The following DOK5 variants were observed in gnomAD, a reference collection of about 807,000 sequenced individuals.
DOK5 encodes the protein downstream of tyrosine kinase 5.
In DOK5, 27 loss-of-function variants were observed where a neutral mutation model predicts 43.3. The ratio of observed to expected loss-of-function variants is 0.62; its 90% CI spans 0.46 to 0.86. DOK5 has a LOEUF of 0.86. Ranked by LOEUF, DOK5 falls within the 40% of genes least tolerant of loss-of-function variation. The pLI is 0.00. For synonymous variants in DOK5, 146 were observed against 140.1 expected (o/e 1.04, Z -0.30); for missense variants, 373 against 392.9 (o/e 0.95, Z 0.43).
intron 6 of DOK5, among the ~76,000 whole-genome samples, chr20:54,636,768 C>A (rs1020262025): frequency 2.0e-5 from 3 of 152,194 alleles, no homozygotes; most frequent in African/African-American, 7.2e-5. Flanking sequence ...CCATGATCTC[C>A]ATGAATTGAT....
chr20:54,641,137 G>C (rs1979092954), intron 6 of DOK5, among the ~76,000 whole-genome samples: 1 of 152,080 alleles, frequency 6.6e-6, no homozygotes, highest in South Asian at 2.1e-4. Flanking sequence ...TTTTCTACTA[G>C]CTTAGTACTT....
At chr20:54,585,684 G>T (rs1012939632) in intron 2 of DOK5, among the ~76,000 whole-genome samples, 2 of 152,198 alleles carry the variant, frequency 1.3e-5, no homozygotes, top group Non-Finnish European at 2.9e-5. Context: ...ACAGGCTTTA[G>T]GGTTAGTTTG....
intron 1 of DOK5, among the ~76,000 whole-genome samples, chr20:54,545,442 G>A (rs933803558): frequency 6.6e-5 from 10 of 152,194 alleles, no homozygotes; most frequent in Non-Finnish European, 1.0e-4. Flanking sequence ...GGCACTCATG[G>A]AGAAGTGACT....
chr20:54,501,719 C>CT (rs1254026636), intron 1 of DOK5, among the ~76,000 whole-genome samples: 34 of 152,084 alleles, frequency 2.2e-4, no homozygotes, highest in Non-Finnish European at 3.7e-4. Context: ...TCTGTAAATT[C>CT]TTTAACTCAT....
At chr20:54,614,499 G>A (rs1449161885) in intron 6 of DOK5, among the ~76,000 whole-genome samples, 1 of 152,252 alleles carries the variant, frequency 6.6e-6, no homozygotes, top group Admixed American at 6.5e-5. Context: ...TGTCTTGTTC[G>A]TAGAGCCATC....
chr20:54,626,379 G>A (rs755221280), intron 6 of DOK5, among the ~76,000 whole-genome samples: 1 of 152,186 alleles, frequency 6.6e-6, no homozygotes, highest in Admixed American at 6.6e-5. Context: ...TTTGCTGAGA[G>A]TCTGCGTGCT....
intron 1 of DOK5, among the ~76,000 whole-genome samples, chr20:54,515,055 G>A (rs1447373000): frequency 2.6e-5 from 4 of 151,892 alleles, no homozygotes; most frequent in Non-Finnish European, 1.5e-5. Flanking sequence ...TTGTTGCCCA[G>A]GCTGGAGTGC....
intron 6 of DOK5, among the ~76,000 whole-genome samples, chr20:54,627,660 G>A (rs779274415): frequency 9.9e-5 from 15 of 152,112 alleles, no homozygotes; most frequent in East Asian, 1.9e-4. Flanking sequence ...AAAGAAAGAC[G>A]CAGTGGATCT....
At chr20:54,517,823 A>G (rs1314906295) in intron 1 of DOK5, among the ~76,000 whole-genome samples, 1 of 152,246 alleles carries the variant, frequency 6.6e-6, no homozygotes, top group South Asian at 2.1e-4. Context: ...TTATCTTTTC[A>G]TCATGTGAGA....
At chr20:54,613,193 T>TCC (rs1986705664) in intron 6 of DOK5, among the ~76,000 whole-genome samples, 1 of 43,902 alleles carries the variant, frequency 2.3e-5, no homozygotes, top group Admixed American at 2.5e-4. Flanking sequence ...CTGCGCCTCA[T>TCC]CTCTCTCTCT....
chr20:54,600,102 G>A (rs1986260423), intron 5 of DOK5, among the ~76,000 whole-genome samples: 1 of 152,130 alleles, frequency 6.6e-6, no homozygotes, highest in African/African-American at 2.4e-5. Context: ...TGGGGGAAGA[G>A]CATTCCTTCC....
At chr20:54,512,150 A>C (rs1983036021) in intron 1 of DOK5, among the ~76,000 whole-genome samples, 1 of 152,196 alleles carries the variant, frequency 6.6e-6, no homozygotes, top group Non-Finnish European at 1.5e-5. Flanking sequence ...CTGAATACAT[A>C]ATGAGTAGAC....
chr20:54,551,865 C>T (rs1984542525), intron 1 of DOK5, among the ~76,000 whole-genome samples: 1 of 152,138 alleles, frequency 6.6e-6, no homozygotes. Context: ...TCTCTCTCTG[C>T]TGCCCAGGCT....
Position 54,607,637 on chromosome 20 carries a change from A to C in DOK5, c.600-2751A>C, listed in dbSNP as rs6014083. 9.9e-3 allele frequency among the ~76,000 whole-genome samples: 1,508 copies of C among 152,246 alleles called. 27 individuals are homozygous for C. Among genetic ancestry groups the C allele is most frequent in the African/African-American group, 0.034 (1,419 of 41,558 alleles). On this transcript the variant is annotated intron_variant, in intron 5 of 7. Transcript: ENST00000262593. ...TGCAGTGACTCATGCCTGTAATCCC[A>C]GCACTTTGGGAGGCAGAGGTGGGCA...
At chr20:54,648,083 C>A (rs1979523467) in intron 7 of DOK5, among the ~76,000 whole-genome samples, 1 of 152,162 alleles carries the variant, frequency 6.6e-6, no homozygotes, top group South Asian at 2.1e-4. Flanking sequence ...ATTTTATTCT[C>A]ATTTGCTGTT....
intron 5 of DOK5, among the ~76,000 whole-genome samples, chr20:54,600,933 C>G (rs1986282173): frequency 6.6e-6 from 1 of 152,184 alleles, no homozygotes; most frequent in Non-Finnish European, 1.5e-5. Context: ...TTAAGACTTT[C>G]TCAGGCTAAA....
chr20:54,650,158 T>C (rs2904388), intron 7 of DOK5, among the ~76,000 whole-genome samples: 108,011 of 152,082 alleles, frequency 0.71, 38,933 homozygotes, highest in East Asian at 1. Context: ...GATATGGGGA[T>C]TGATGCAGAT....
intron 1 of DOK5, among the ~76,000 whole-genome samples, chr20:54,492,538 T>C (rs6023289): frequency 2.0e-5 from 3 of 152,174 alleles, no homozygotes; most frequent in African/African-American, 7.2e-5. Context: ...CACGCATACA[T>C]GATACTGTAT....
chr20:54,526,422 C>T (rs1406180322), intron 1 of DOK5, among the ~76,000 whole-genome samples: 2 of 152,184 alleles, frequency 1.3e-5, no homozygotes, highest in South Asian at 2.1e-4. Context: ...CCAGAGCTGG[C>T]TACCCAGGGT....
Sources: gnomAD v4.1 joint callset for allele counts (sites outside exome capture counted in the v4.1 genomes callset) on GRCh38, gnomAD v4.1.1 for gene constraint, MANE v1.5 for transcripts, NCBI Gene and HGNC (gene_info 2026-07-23, HGNC 2026-07-21) for gene names.